Variants in CLIC5 observed in about 807,000 individuals in gnomAD.
CLIC5 encodes the protein CLIC family member 5, also known as chloride intracellular channel protein 5.
CLIC5 carries 20 observed loss-of-function variants against 24.7 expected under a neutral mutation model. The ratio of observed to expected loss-of-function variants is 0.81; its 90% CI spans 0.57 to 1.18. The LOEUF (loss-of-function observed/expected upper bound fraction) is 1.18, where lower values mean the gene tolerates loss of function less well. Ranked by LOEUF, CLIC5 falls within the 50% of genes most tolerant of loss-of-function variation. The pLI, the probability that CLIC5 is intolerant of heterozygous loss-of-function variation, is 0.00. For synonymous variants in CLIC5, 159 were observed against 135.6 expected, an observed-to-expected ratio of 1.17 and a Z score of -1.20; for missense variants, 341 against 326.1, an observed-to-expected ratio of 1.05 and a Z score of -0.35.
chr6:46,016,529 T>C (rs540097153), upstream of CLIC5, among the ~76,000 whole-genome samples: 112 of 152,178 alleles, frequency 7.4e-4, no homozygotes, highest in Non-Finnish European at 1.4e-3. Flanking sequence ...TTCTCCCTTC[T>C]TTCATTTTCT....
intron 1 of CLIC5, among the ~76,000 whole-genome samples, chr6:46,049,625 C>G (rs1237052505): frequency 6.6e-6 from 1 of 152,186 alleles, no homozygotes; most frequent in Non-Finnish European, 1.5e-5. Context: ...CAGGCAAGAG[C>G]AGTCAACCTG....
intron 4 of CLIC5, among the ~76,000 whole-genome samples, chr6:45,918,360 C>T (rs1763112330): frequency 6.6e-6 from 1 of 152,154 alleles, no homozygotes. Flanking sequence ...GGCATGGAGG[C>T]TGAATGGGGA....
chr6:45,944,007 G>A lies in CLIC5; in HGVS notation c.300-2354C>T, dbSNP rs112815575. Among the ~76,000 whole-genome samples, 51 of 151,928 alleles carry A rather than the reference G, an allele frequency of 3.4e-4. 1 individual carries two copies. Among genetic ancestry groups the A allele is most frequent in the African/African-American group, 1.2e-3 (49 of 41,494 alleles). The stretch of plus-strand genomic sequence containing the variant: ...GCGTGTTTTAAATATGCAAATAAGC[G>A]GGCTACAAAGTACATTCTGTTTCTC... On this transcript the variant is annotated intron_variant, in intron 3 of 5. Coordinates refer to ENST00000339561, the MANE Select transcript of CLIC5 (RefSeq NM_016929.5).
intron 1 of CLIC5, among the ~76,000 whole-genome samples, chr6:45,956,812 C>T (rs1226458351): frequency 6.6e-6 from 1 of 152,188 alleles, no homozygotes; most frequent in African/African-American, 2.4e-5. Flanking sequence ...AGACCCACCC[C>T]TGAGTCTTGA....
intron 1 of CLIC5, among the ~76,000 whole-genome samples, chr6:46,005,783 C>T (rs1039723724): frequency 6.6e-6 from 1 of 151,684 alleles, no homozygotes; most frequent in African/African-American, 2.4e-5. Flanking sequence ...TATCCTCCTC[C>T]ACAATGTGAG....
At chr6:46,054,679 C>CG (rs1200785780) in intron 1 of CLIC5, among the ~76,000 whole-genome samples, 20 of 152,144 alleles carry the variant, frequency 1.3e-4, no homozygotes, top group Non-Finnish European at 2.2e-4. Context: ...GGCCATAGGG[C>CG]GGGGGCCTGA....
the CLIC5 span, among the ~76,000 whole-genome samples, chr6:46,121,193 T>C: frequency 6.6e-6 from 1 of 152,150 alleles, no homozygotes; most frequent in Non-Finnish European, 1.5e-5. Context: ...AAGGTCGGGT[T>C]ACTCACAAAG....
chr6:46,030,219 G>A (rs762297605), intron 1 of CLIC5, among the ~76,000 whole-genome samples: 24 of 151,904 alleles, frequency 1.6e-4, no homozygotes, highest in Admixed American at 3.3e-4. Flanking sequence ...TCCATATCCC[G>A]CATTTTCTTT....
At chr6:45,923,913 C>T (rs1763373268) in intron 4 of CLIC5, among the ~76,000 whole-genome samples, 1 of 152,188 alleles carries the variant, frequency 6.6e-6, no homozygotes. Flanking sequence ...TTAACCGGTG[C>T]TTGTTTCCTT....
chr6:46,097,687 C>T, the CLIC5 span, among the ~76,000 whole-genome samples: 5 of 152,232 alleles, frequency 3.3e-5, no homozygotes, highest in Non-Finnish European at 5.9e-5. Flanking sequence ...CCAGGCCATA[C>T]ATGATTCACA....
intron 1 of CLIC5, among the ~76,000 whole-genome samples, chr6:46,029,682 A>C (rs1767443955): frequency 6.8e-6 from 1 of 147,438 alleles, no homozygotes. Flanking sequence ...ATCTTCTTAC[A>C]AAAAAAAAAG....
At chr6:45,895,389 T>C (rs181058096), downstream of CLIC5, among the ~76,000 whole-genome samples, 1 of 152,292 alleles carries the variant, frequency 6.6e-6, no homozygotes. Context: ...AGCTTTTCAT[T>C]TTTTCAGCCA....
the CLIC5 span, among the ~76,000 whole-genome samples, chr6:46,086,886 T>C: frequency 6.6e-6 from 1 of 152,180 alleles, no homozygotes; most frequent in African/African-American, 2.4e-5. Context: ...CATGCCACTC[T>C]CCCATCTACC....
intron 1 of CLIC5, among the ~76,000 whole-genome samples, chr6:46,003,985 A>G (rs965775101): frequency 2.0e-5 from 3 of 152,210 alleles, no homozygotes; most frequent in Non-Finnish European, 4.4e-5. Flanking sequence ...TCCTCAAAGG[A>G]TAAGAGACCC....
chr6:46,061,437 C>T (rs913164061), intron 1 of CLIC5, among the ~76,000 whole-genome samples: 5 of 152,190 alleles, frequency 3.3e-5, no homozygotes, highest in Middle Eastern at 3.2e-3. Flanking sequence ...GTGAGCTGCC[C>T]GCCTTGGCCT....
chr6:46,031,468 G>T (rs1767496279), intron 1 of CLIC5, among the ~76,000 whole-genome samples: 1 of 152,168 alleles, frequency 6.6e-6, no homozygotes, highest in Non-Finnish European at 1.5e-5. Context: ...GCACCAGGAA[G>T]AGATTTTCTC....
intron 1 of CLIC5, among the ~76,000 whole-genome samples, chr6:46,070,016 T>A (rs977118206): frequency 3.3e-5 from 5 of 152,176 alleles, no homozygotes; most frequent in Non-Finnish European, 5.9e-5. Flanking sequence ...CTGATAAAAT[T>A]CAACATCCCT....
At chr6:46,089,305 A>G in the CLIC5 span, among the ~76,000 whole-genome samples, 1 of 152,090 alleles carries the variant, frequency 6.6e-6, no homozygotes, top group Non-Finnish European at 1.5e-5. Context: ...TCTCAGTGTA[A>G]ATGCTGCCTC....
chr6:46,000,264 T>C (rs6458483), intron 1 of CLIC5, among the ~76,000 whole-genome samples: 94,409 of 151,920 alleles, frequency 0.62, 29,615 homozygotes, highest in East Asian at 0.78. Flanking sequence ...GCCCCTAACC[T>C]CCACGTTGTT....
Sources: allele counts gnomAD v4.1 joint callset (sites outside exome capture counted in the v4.1 genomes callset), GRCh38; gene constraint gnomAD v4.1.1; transcripts MANE v1.5; gene names NCBI Gene and HGNC (gene_info 2026-07-23, HGNC 2026-07-21).